DCC: variants seen among roughly 807,000 people sequenced by gnomAD.
DCC encodes DCC netrin 1 receptor.
A neutral mutation model predicts 172.5 loss-of-function variants in DCC; 58 were observed. The ratio of observed to expected loss-of-function variants is 0.34; its 90% CI spans 0.27 to 0.42. The LOEUF (loss-of-function observed/expected upper bound fraction) is 0.42. Among genes scored for constraint, DCC ranks in the 10% least tolerant of loss-of-function variants. The pLI, the probability that DCC is intolerant of heterozygous loss-of-function variation, is 1.00. For synonymous variants in DCC, 709 were observed against 644.5 expected, an observed-to-expected ratio of 1.10 and a Z score of -1.52; for missense variants, 1,740 against 1,791.0, an observed-to-expected ratio of 0.97 and a Z score of 0.51.
At chr18:52,387,792 G>A (rs947552230) in intron 1 of DCC, among the ~76,000 whole-genome samples, 4 of 151,862 alleles carry the variant, frequency 2.6e-5, no homozygotes, top group Non-Finnish European at 5.9e-5. Context: ...GCAATGAATG[G>A]GATTCTCATA....
intron 15 of DCC, among the ~76,000 whole-genome samples, chr18:53,365,698 GC>G (rs2057998257): frequency 1.3e-5 from 2 of 152,200 alleles, no homozygotes; most frequent in South Asian, 4.1e-4. Context: ...CAAAAATGCA[GC>G]ACACTAGAAA....
intron 15 of DCC, among the ~76,000 whole-genome samples, chr18:53,376,844 G>C (rs1599081570): frequency 6.6e-6 from 1 of 152,032 alleles, no homozygotes; most frequent in African/African-American, 2.4e-5. Context: ...AAATTTAAGA[G>C]TCACTCTTGA....
At chr18:52,944,448 A>G (rs1450289141) in intron 5 of DCC, among the ~76,000 whole-genome samples, 1 of 152,214 alleles carries the variant, frequency 6.6e-6, no homozygotes, top group African/African-American at 2.4e-5. Flanking sequence ...ATCTGAGCCT[A>G]AAGGCACAAT....
chr18:53,356,825 T>A (rs1404546858), intron 15 of DCC, among the ~76,000 whole-genome samples: 1 of 152,212 alleles, frequency 6.6e-6, no homozygotes, highest in East Asian at 1.9e-4. Flanking sequence ...CACATCAGAC[T>A]TTCAACTTTG....
At chr18:53,106,151 T>A (rs1404224384) in intron 7 of DCC, among the ~76,000 whole-genome samples, 33 of 151,892 alleles carry the variant, frequency 2.2e-4, no homozygotes, top group Non-Finnish European at 4.4e-5. Context: ...TTCTTTCTAT[T>A]GAACTCTTTG....
chr18:52,927,057 A>T (rs190957657), intron 5 of DCC, among the ~76,000 whole-genome samples: 1 of 111,948 alleles, frequency 8.9e-6, no homozygotes, highest in Admixed American at 8.5e-5. Context: ...ATATATATAC[A>T]CATATATACA....
intron 14 of DCC, among the ~76,000 whole-genome samples, chr18:53,336,627 G>T (rs1488926554): frequency 6.6e-6 from 1 of 152,186 alleles, no homozygotes; most frequent in Non-Finnish European, 1.5e-5. Context: ...CAAGGCAGGT[G>T]GACTGCTTGA....
chr18:52,461,603 C>T (rs1988632737), intron 1 of DCC, among the ~76,000 whole-genome samples: 2 of 152,178 alleles, frequency 1.3e-5, no homozygotes, highest in Non-Finnish European at 1.5e-5. Flanking sequence ...GATGTTATGA[C>T]AGCTACAACC....
intron 12 of DCC, among the ~76,000 whole-genome samples, chr18:53,259,713 A>T (rs2056570174): frequency 6.6e-6 from 1 of 152,102 alleles, no homozygotes; most frequent in South Asian, 2.1e-4. Flanking sequence ...CTGGAGGAGT[A>T]TCTTTGTGGT....
chr18:53,400,208 A>G lies in DCC; in HGVS notation c.2828-2578A>G, dbSNP rs190161296. Among the ~76,000 whole-genome samples the G allele has an allele frequency of 1.2e-4, 18 of 152,246 alleles. No homozygotes were observed. In the East Asian group the frequency reaches 3.1e-3, roughly 26 times the overall value. ...GAAAAATAAGAGGAAGTTTCACAAAATAAATGAGGTTTGAGCTATGGCTTA... is the reference window on the plus strand; with the variant it reads ...GAAAAATAAGAGGAAGTTTCACAAAGTAAATGAGGTTTGAGCTATGGCTTA... On this transcript the variant is annotated intron_variant, in intron 18 of 28. Coordinates refer to ENST00000442544, the MANE Select transcript of DCC (RefSeq NM_005215.4).
intron 23 of DCC, among the ~76,000 whole-genome samples, chr18:53,453,767 A>G (rs1375125317): frequency 1.3e-5 from 2 of 152,174 alleles, no homozygotes; most frequent in Admixed American, 1.3e-4. Flanking sequence ...CTTGGGTGGC[A>G]GTTTCTTTAA....
intron 9 of DCC, 146 bp downstream of exon 9, chr18:53,179,262 T>G: frequency 1.2e-6 from 1 of 802,418 alleles, no homozygotes; most frequent in South Asian, 1.6e-5. Context: ...ACTCGAGGAC[T>G]TTTAAAAGAT....
chr18:52,861,379 TA>T (rs1195945656), intron 2 of DCC, among the ~76,000 whole-genome samples: 1 of 152,226 alleles, frequency 6.6e-6, no homozygotes, highest in Non-Finnish European at 1.5e-5. Context: ...TCAAAGCCAT[TA>T]CCAGTCAAAG....
intron 14 of DCC, among the ~76,000 whole-genome samples, chr18:53,326,163 T>G (rs1208881061): frequency 6.6e-6 from 1 of 152,170 alleles, no homozygotes; most frequent in Non-Finnish European, 1.5e-5. Flanking sequence ...GACAGTCTTA[T>G]CCTTTCCTGT....
At chr18:53,225,059 G>T (rs1296491958) in intron 12 of DCC, among the ~76,000 whole-genome samples, 2 of 152,136 alleles carry the variant, frequency 1.3e-5, no homozygotes, top group Non-Finnish European at 2.9e-5. Flanking sequence ...GAGGAAGGGT[G>T]ATTTCACAGA....
intron 12 of DCC, among the ~76,000 whole-genome samples, chr18:53,299,870 T>C (rs1299622838): frequency 1.3e-5 from 2 of 152,214 alleles, no homozygotes; most frequent in Non-Finnish European, 2.9e-5. Context: ...CCAGTTTACC[T>C]GATTTTACAA....
intron 1 of DCC, among the ~76,000 whole-genome samples, chr18:52,558,002 ATGT>A (rs2032954041): frequency 6.6e-6 from 1 of 152,144 alleles, no homozygotes; most frequent in Non-Finnish European, 1.5e-5. Flanking sequence ...TTTATAAATA[ATGT>A]TGTGAGTATA....
intron 1 of DCC, among the ~76,000 whole-genome samples, chr18:52,619,552 C>T (rs578105590): frequency 1.3e-5 from 2 of 152,088 alleles, no homozygotes; most frequent in Non-Finnish European, 2.9e-5. Flanking sequence ...TCCCAATAAC[C>T]AATGTTCTTT....
intron 1 of DCC, among the ~76,000 whole-genome samples, chr18:52,505,237 A>G (rs1466083115): frequency 2.0e-5 from 3 of 152,122 alleles, no homozygotes. Flanking sequence ...CCACCTCAGT[A>G]TTTTCATCTA....
Sources: allele counts gnomAD v4.1 joint callset (sites outside exome capture counted in the v4.1 genomes callset), GRCh38; gene constraint gnomAD v4.1.1; transcripts MANE v1.5; gene names NCBI Gene and HGNC (gene_info 2026-07-23, HGNC 2026-07-21).